PHLPP1: variants seen among roughly 807,000 people sequenced by gnomAD.
The protein encoded by PHLPP1 is PH domain and leucine rich repeat protein phosphatase 1, also known as PH domain leucine-rich repeat-containing protein phosphatase 1.
A neutral mutation model predicts 117.2 loss-of-function variants in PHLPP1; 42 were observed. The ratio of observed to expected loss-of-function variants is 0.36; its 90% CI spans 0.28 to 0.46. The LOEUF (loss-of-function observed/expected upper bound fraction) is 0.46, where lower values mean the gene tolerates loss of function less well. Among genes scored for constraint, PHLPP1 ranks in the 20% least tolerant of loss-of-function variants. PHLPP1 has a pLI of 1.00. For synonymous variants in PHLPP1, 1,042 were observed against 970.7 expected (o/e 1.07, Z -1.37); for missense variants, 2,084 against 2,241.9 (o/e 0.93, Z 1.42).
At chr18:62,882,369 C>T (rs1326472850) in intron 4 of PHLPP1, among the ~76,000 whole-genome samples, 2 of 151,714 alleles carry the variant, frequency 1.3e-5, no homozygotes, top group East Asian at 1.9e-4. Context: ...CCCAGGTTCA[C>T]GCCATTCTCC....
chr18:62,878,075 T>C (rs62098647), intron 4 of PHLPP1, among the ~76,000 whole-genome samples: 2,170 of 152,324 alleles, frequency 0.014, 30 homozygotes, highest in Middle Eastern at 0.024. Flanking sequence ...TTCTTTGAGC[T>C]CTGTGGAGCT....
At chr18:62,977,428 CAAAAAAA>C (rs3087160) in intron 16 of PHLPP1, among the ~76,000 whole-genome samples, 52 of 74,242 alleles carry the variant, frequency 7.0e-4, no homozygotes, top group African/African-American at 2.1e-3. Context: ...GTACACGTGG[CAAAAAAA>C]AAAAAAAAAA....
chr18:62,852,339 T>TTTTA (rs1001494897), intron 3 of PHLPP1, among the ~76,000 whole-genome samples: 14 of 152,088 alleles, frequency 9.2e-5, no homozygotes, highest in Middle Eastern at 3.4e-3. Flanking sequence ...TGTAATTAAT[T>TTTTA]TTTATTTATT....
Position 62,896,003 on chromosome 18 carries a change from G to A in PHLPP1, c.2436G>A (p.Val812=), listed in dbSNP as rs2144399469. 6.3e-7 allele frequency: 1 copy of A among 1,598,288 alleles called. No individual in the cohort carries two copies. The highest frequency in any genetic ancestry group is 8.6e-7 in the Non-Finnish European group (1 of 1,166,214). The change falls in exon 6 of 17, where the codon GTG becomes GTA. Residue 812 remains valine, a synonymous_variant. Coordinates refer to ENST00000262719, the MANE Select transcript of PHLPP1 (RefSeq NM_194449.4). The part of the protein sequence containing the change: ...ALRKMPHIKH[V]DLRLNVIRKL... ...GAAAAATGCCTCACATTAAACATGTGGATCTAAGGTAACCATTTTTGAGAA... is the reference window on the plus strand; with the variant it reads ...GAAAAATGCCTCACATTAAACATGTAGATCTAAGGTAACCATTTTTGAGAA...
chr18:62,932,458 T>C (rs1909844231), intron 10 of PHLPP1, among the ~76,000 whole-genome samples: 1 of 152,164 alleles, frequency 6.6e-6, no homozygotes, highest in Non-Finnish European at 1.5e-5. Context: ...GCAAGGATGG[T>C]TCAATAAACA....
At chr18:62,811,710 G>T (rs1408325298) in intron 1 of PHLPP1, among the ~76,000 whole-genome samples, 2 of 152,044 alleles carry the variant, frequency 1.3e-5, no homozygotes, top group Non-Finnish European at 2.9e-5. Flanking sequence ...TTAGTAATAG[G>T]CTAATTATAG....
chr18:62,735,967 A>AT (rs1285247156), intron 1 of PHLPP1, among the ~76,000 whole-genome samples: 1 of 151,344 alleles, frequency 6.6e-6, no homozygotes, highest in Non-Finnish European at 1.5e-5. Context: ...TACATAAAAA[A>AT]TTAAAAAAAA....
chr18:62,750,279 A>G (rs1237340140), intron 1 of PHLPP1, among the ~76,000 whole-genome samples: 1 of 152,150 alleles, frequency 6.6e-6, no homozygotes, highest in Admixed American at 6.5e-5. Flanking sequence ...TTATGTGTTC[A>G]CTGGAGATAC....
intron 12 of PHLPP1, among the ~76,000 whole-genome samples, chr18:62,955,773 T>C (rs1255670029): frequency 6.6e-6 from 1 of 152,232 alleles, no homozygotes; most frequent in Non-Finnish European, 1.5e-5. Context: ...CAGAATGCCT[T>C]TAATCTTTGA....
At chr18:62,901,836 G>T (rs1252753588) in intron 6 of PHLPP1, among the ~76,000 whole-genome samples, 1 of 151,674 alleles carries the variant, frequency 6.6e-6, no homozygotes, top group Admixed American at 6.6e-5. Context: ...CACCATGCTG[G>T]CCAGGCTGGT....
intron 4 of PHLPP1, among the ~76,000 whole-genome samples, chr18:62,876,770 A>G (rs1177040279): frequency 6.6e-6 from 1 of 152,220 alleles, no homozygotes; most frequent in African/African-American, 2.4e-5. Flanking sequence ...CAAGGAACTC[A>G]GGCTTGTGTG....
intron 4 of PHLPP1, among the ~76,000 whole-genome samples, chr18:62,866,959 CTTG>C (rs1251004027): frequency 1.3e-5 from 2 of 152,190 alleles, no homozygotes; most frequent in African/African-American, 2.4e-5. Context: ...AGCTGATTGT[CTTG>C]TTGTCATTTT....
In PHLPP1 at chr18:62,979,421, C is replaced by T. The variant is rs750088360; in HGVS notation, c.5144C>T (p.Thr1715Met). ...QLDQLPDYYD[T>M]PL ...GACCAGCTGCCAGATTATTACGACA[C>T]GCCACTATGACCCAGCCGAGCTGTT... Residue 1715 changes from threonine (T) to methionine (M), a missense_variant, in exon 17 of 17, where the codon ACG becomes ATG. Transcript: ENST00000262719. 2.9e-5 allele frequency: 45 copies of T among 1,551,146 alleles called. No individual in the cohort carries two copies. The highest frequency in any genetic ancestry group is 7.1e-5 in the South Asian group (6 of 84,038).
chr18:62,972,558 G>A lies in PHLPP1; in HGVS notation c.3605G>A (p.Arg1202His), dbSNP rs765622042. The change falls in exon 15 of 17, where the codon CGC becomes CAC. Residue 1202 changes from arginine (R) to histidine (H), a missense_variant. By Grantham distance (29) the Arg-to-His change is conservative (BLOSUM62 0). Around this residue, in one of 2 missense-constraint regions of PHLPP1, gnomAD observed 1,365 missense variants for 1,605.9 expected, o/e 0.85. Transcript: ENST00000262719. ...TCGGTGAATAACTTCTGTGACAACCGCGAAGCCCTGTATGGTGTGTTTGAC... is the reference window on the plus strand; with the variant it reads ...TCGGTGAATAACTTCTGTGACAACCACGAAGCCCTGTATGGTGTGTTTGAC... ...ALSVNNFCDNREALYGVFDGD... is the reference protein window; with the variant it reads ...ALSVNNFCDNHEALYGVFDGD... 4 of 1,613,396 alleles carry A rather than the reference G, an allele frequency of 2.5e-6. No homozygotes were observed. Among genetic ancestry groups the A allele is most frequent in the Admixed American group, 1.7e-5 (1 of 60,000 alleles).
At chr18:62,917,764 T>C (rs1275872502) in intron 9 of PHLPP1, among the ~76,000 whole-genome samples, 6 of 151,484 alleles carry the variant, frequency 4.0e-5, no homozygotes, top group Non-Finnish European at 7.4e-5. Context: ...CAGTGACCTA[T>C]GATTGCATCA....
chr18:62,916,869 T>A (rs1909297815), intron 9 of PHLPP1, among the ~76,000 whole-genome samples: 1 of 146,938 alleles, frequency 6.8e-6, no homozygotes, highest in African/African-American at 2.5e-5. Flanking sequence ...TTCTCGTGCC[T>A]CAGCCTCCCG....
intron 10 of PHLPP1, among the ~76,000 whole-genome samples, chr18:62,930,219 A>G (rs916309329): frequency 2.0e-5 from 3 of 152,222 alleles, no homozygotes; most frequent in Non-Finnish European, 2.9e-5. Flanking sequence ...GGCATAATAT[A>G]TATCCTATAG....
intron 5 of PHLPP1, among the ~76,000 whole-genome samples, chr18:62,895,528 T>G (rs1916536839): frequency 6.6e-6 from 1 of 152,208 alleles, no homozygotes; most frequent in Non-Finnish European, 1.5e-5. Context: ...CACAGTTAGC[T>G]CACATTGCTC....
intron 3 of PHLPP1, among the ~76,000 whole-genome samples, chr18:62,855,028 T>G (rs954551016): frequency 7.9e-5 from 12 of 152,120 alleles, no homozygotes; most frequent in Non-Finnish European, 2.9e-5. Flanking sequence ...TAAATGGCCT[T>G]GGGCGCACAC....
Sources: gnomAD v4.1 joint callset for allele counts (sites outside exome capture counted in the v4.1 genomes callset) on GRCh38, gnomAD v4.1.1 for gene constraint, gnomAD v4.1.1 regional missense constraint, MANE v1.5 for transcripts, NCBI Gene and HGNC (gene_info 2026-07-23, HGNC 2026-07-21) for gene names.